ESYT2: variants seen among roughly 807,000 people sequenced by gnomAD.
ESYT2 encodes the protein extended synaptotagmin 2.
A neutral mutation model predicts 107.2 loss-of-function variants in ESYT2; 54 were observed. That is an observed-to-expected ratio of 0.50 (90% CI 0.40 to 0.63). The LOEUF is 0.63. Among genes scored for constraint, ESYT2 ranks in the 30% least tolerant of loss-of-function variants. ESYT2 has a pLI of 0.00. For synonymous variants in ESYT2, 491 were observed against 434.1 expected (o/e 1.13, Z -1.63); for missense variants, 1,020 against 1,094.5 (o/e 0.93, Z 0.96).
intron 1 of ESYT2, among the ~76,000 whole-genome samples, chr7:158,807,855 T>G (rs914109511): frequency 3.3e-5 from 5 of 152,104 alleles, no homozygotes; most frequent in African/African-American, 1.2e-4. Context: ...CATTAAAAAA[T>G]GTAAAAGCTG....
chr7:158,741,508 G>T lies in ESYT2; in HGVS notation c.2168+15C>A. 1 of 1,553,802 alleles carries T rather than the reference G, an allele frequency of 6.4e-7. No individual in the cohort carries two copies. Among genetic ancestry groups the T allele is most frequent in the Non-Finnish European group, 8.6e-7 (1 of 1,157,760 alleles). On this transcript the variant is annotated intron_variant, in intron 18 of 22. Coordinates refer to ENST00000275418, the MANE Select transcript of ESYT2 (RefSeq NM_001367773.1). ...TGCTCTGCTGGTGAGAAACAACATG[G>T]TGGCACTTAGTTACTTTTCCAGCTG...
chr7:158,760,546 G>C (rs1031519435), intron 11 of ESYT2, among the ~76,000 whole-genome samples: 2 of 152,162 alleles, frequency 1.3e-5, no homozygotes, highest in Non-Finnish European at 2.9e-5. Flanking sequence ...TGTTGCCCAG[G>C]CTGGGCTCAA....
chr7:158,814,406 T>C (rs955061368), intron 1 of ESYT2, among the ~76,000 whole-genome samples: 1 of 149,986 alleles, frequency 6.7e-6, no homozygotes, highest in African/African-American at 2.5e-5. Context: ...TTTAAAAATA[T>C]ATGTTACTCG....
At chr7:158,734,721 G>T (rs1563611818) in intron 21 of ESYT2, among the ~76,000 whole-genome samples, 1 of 152,244 alleles carries the variant, frequency 6.6e-6, no homozygotes. Flanking sequence ...CCAGGCATTT[G>T]AAGCTGCAGT....
At chr7:158,798,914 C>G (rs1839552987) in intron 2 of ESYT2, 117 bp downstream of exon 2, 1 of 935,442 alleles carries the variant, frequency 1.1e-6, no homozygotes, top group African/African-American at 1.6e-5. Context: ...AGAAGCCAAC[C>G]CACTAAAGTC....
chr7:158,776,647 T>C (rs1838576141), intron 6 of ESYT2, among the ~76,000 whole-genome samples: 1 of 152,236 alleles, frequency 6.6e-6, no homozygotes, highest in South Asian at 2.1e-4. Flanking sequence ...TCTGGGCTGA[T>C]CATCTCTCCA....
At chr7:158,772,334 A>G (rs1219975783) in intron 7 of ESYT2, among the ~76,000 whole-genome samples, 1 of 152,208 alleles carries the variant, frequency 6.6e-6, no homozygotes, top group African/African-American at 2.4e-5. Flanking sequence ...TCAGATAATT[A>G]AAGTCCTAAT....
At chr7:158,740,717 A>T (rs748851109) in intron 18 of ESYT2, among the ~76,000 whole-genome samples, 25 of 152,310 alleles carry the variant, frequency 1.6e-4, no homozygotes, top group Non-Finnish European at 3.2e-4. Flanking sequence ...GAGAGAAGGA[A>T]TGTTTTCTTC....
At position 158,759,557 on chromosome 7, in the gene ESYT2, T is replaced by C; in HGVS notation, c.1348A>G (p.Lys450Glu). 1 of 1,612,412 alleles carries C rather than the reference T, an allele frequency of 6.2e-7. No individual in the cohort carries two copies. Among genetic ancestry groups the C allele is most frequent in the Non-Finnish European group, 8.5e-7 (1 of 1,178,560 alleles). ...DKVLTDIKAD[K>E]DQANDGLSSA... Reference sequence around the variant, plus strand: ...GAAAGACCATCGTTGGCTTGGTCTTTGTCAGCTTTGATGTCTGTTAGCACC... The same window carrying C: ...GAAAGACCATCGTTGGCTTGGTCTTCGTCAGCTTTGATGTCTGTTAGCACC... The change falls in exon 13 of 23, where the codon AAA becomes GAA. Residue 450 changes from lysine (K) to glutamate (E), a missense_variant. Transcript: ENST00000275418.
intron 6 of ESYT2, among the ~76,000 whole-genome samples, chr7:158,787,518 A>G (rs11772386): frequency 8.0e-4 from 122 of 152,340 alleles, no homozygotes; most frequent in Non-Finnish European, 7.6e-4. Flanking sequence ...AGGTTTACAG[A>G]TGAGTCTTCT....
intron 4 of ESYT2, among the ~76,000 whole-genome samples, chr7:158,792,140 A>ATTTCTTAG (rs1480209021): frequency 7.9e-6 from 1 of 127,134 alleles, no homozygotes; most frequent in Non-Finnish European, 1.7e-5. Context: ...TCCTGAATTT[A>ATTTCTTAG]TTTCTTAGTT....
chr7:158,755,876 G>A (rs1169886048), intron 13 of ESYT2, among the ~76,000 whole-genome samples: 1 of 152,152 alleles, frequency 6.6e-6, no homozygotes, highest in East Asian at 1.9e-4. Flanking sequence ...AGGGGGTAGG[G>A]GGAGAGGGGA....
intron 13 of ESYT2, among the ~76,000 whole-genome samples, chr7:158,753,628 A>G (rs1418052724): frequency 7.0e-6 from 1 of 142,210 alleles, no homozygotes. Flanking sequence ...TTGCTAAGCA[A>G]AAGATTTTAT....
At chr7:158,790,057 T>TG (rs1839237548) in intron 4 of ESYT2, among the ~76,000 whole-genome samples, 1 of 152,038 alleles carries the variant, frequency 6.6e-6, no homozygotes, top group South Asian at 2.1e-4. Context: ...AGCGTCCTCC[T>TG]GGGGGCGGAG....
chr7:158,806,031 C>T (rs1175542653), intron 1 of ESYT2, among the ~76,000 whole-genome samples: 1 of 148,622 alleles, frequency 6.7e-6, no homozygotes, highest in Non-Finnish European at 1.5e-5. Context: ...GCTCTTTTGG[C>T]CTGAAGGAGG....
chr7:158,771,178 AAC>A (rs1395036405), intron 7 of ESYT2, among the ~76,000 whole-genome samples: 1 of 152,242 alleles, frequency 6.6e-6, no homozygotes, highest in Non-Finnish European at 1.5e-5. Context: ...GCCGGGGCAG[AAC>A]ACATTCTCTG....
chr7:158,755,318 A>G (rs1837716632), intron 13 of ESYT2, among the ~76,000 whole-genome samples: 1 of 152,194 alleles, frequency 6.6e-6, no homozygotes, highest in Non-Finnish European at 1.5e-5. Context: ...GGGTGGGGGA[A>G]AAGTTCACAT....
At chr7:158,798,908 GCCAACCCA>G in intron 2 of ESYT2, 115 bp downstream of exon 2, 1 of 865,370 alleles carries the variant, frequency 1.2e-6, no homozygotes, top group Admixed American at 2.4e-5. Context: ...GGGACCAGAA[GCCAACCCA>G]CTAAAGTCCA....
intron 1 of ESYT2, among the ~76,000 whole-genome samples, chr7:158,825,572 T>C (rs1470976598): frequency 6.6e-6 from 1 of 152,242 alleles, no homozygotes; most frequent in Non-Finnish European, 1.5e-5. Flanking sequence ...CACATCCTAA[T>C]AGCCTCAATC....
Sources: gnomAD v4.1 joint callset for allele counts (sites outside exome capture counted in the v4.1 genomes callset) on GRCh38, gnomAD v4.1.1 for gene constraint, MANE v1.5 for transcripts, NCBI Gene and HGNC (gene_info 2026-07-23, HGNC 2026-07-21) for gene names.